DPY19L3: variants seen among roughly 807,000 people sequenced by gnomAD.
DPY19L3 encodes protein C-mannosyl-transferase DPY19L3.
A neutral mutation model predicts 92.3 loss-of-function variants in DPY19L3; 51 were observed. The observed-to-expected ratio is 0.55, with a 90% CI of 0.44 to 0.70. DPY19L3 has a LOEUF of 0.70. Among genes scored for constraint, DPY19L3 ranks in the 30% least tolerant of loss-of-function variants. DPY19L3 has a pLI of 0.00. For synonymous variants in DPY19L3, 309 were observed against 315.2 expected, an observed-to-expected ratio of 0.98 and a Z score of 0.21; for missense variants, 706 against 855.9, an observed-to-expected ratio of 0.82 and a Z score of 2.18.
At chr19:32,430,581 A>G (rs1968926564) in intron 3 of DPY19L3, among the ~76,000 whole-genome samples, 1 of 152,130 alleles carries the variant, frequency 6.6e-6, no homozygotes, top group Non-Finnish European at 1.5e-5. Context: ...AATAATTTCT[A>G]AGTCTGAAGA....
At chr19:32,408,050 A>G (rs1320694152) in intron 1 of DPY19L3, among the ~76,000 whole-genome samples, 167 bp from the exon 2 acceptor site, 1 of 151,806 alleles carries the variant, frequency 6.6e-6, no homozygotes. Context: ...GTGCCGCTGC[A>G]CTCCAGCCTG....
intron 3 of DPY19L3, chr19:32,412,629 A>G (rs1391726756): frequency 6.6e-6 from 1 of 152,186 alleles, no homozygotes; most frequent in Non-Finnish European, 1.5e-5. Flanking sequence ...AGGAACTGTA[A>G]TTTTAATCAG....
chr19:32,436,333 C>A, intron 4 of DPY19L3, 113 bp from the exon 5 acceptor site: 1 of 714,786 alleles, frequency 1.4e-6, no homozygotes, highest in African/African-American at 1.8e-5. Flanking sequence ...ACTCTTATAT[C>A]CCCAATGCCT....
At chr19:32,465,486 C>T (rs1228266368) in intron 15 of DPY19L3, among the ~76,000 whole-genome samples, 2 of 152,124 alleles carry the variant, frequency 1.3e-5, no homozygotes, top group East Asian at 3.9e-4. Context: ...TTTTAAAGAA[C>T]CTAACATATT....
At chr19:32,477,424 C>A in intron 16 of DPY19L3, 98 bp from the exon 17 acceptor site, 1 of 1,482,286 alleles carries the variant, frequency 6.7e-7, no homozygotes, top group Non-Finnish European at 9.2e-7. Flanking sequence ...CACTTGGTAA[C>A]ATAGCTGGAT....
rs116027251 is a variant in DPY19L3 at position 32,473,005 on chromosome 19, C to T, written c.1697+4192C>T. ...TTAATGAATCATTTTGTAGTATTTGCATAATTCTATAAATTTTTGAAGTGT... is the reference window on the plus strand; with the variant it reads ...TTAATGAATCATTTTGTAGTATTTGTATAATTCTATAAATTTTTGAAGTGT... On this transcript the variant is annotated intron_variant, in intron 16 of 18. Transcript: ENST00000392250. 9.8e-3 allele frequency among the ~76,000 whole-genome samples: 1,497 copies of T among 152,264 alleles called. 34 individuals are homozygous for T. The highest frequency in any genetic ancestry group is 0.034 in the African/African-American group (1,401 of 41,548).
chr19:32,462,328 C>T (rs1483863272), intron 12 of DPY19L3, among the ~76,000 whole-genome samples: 1 of 152,028 alleles, frequency 6.6e-6, no homozygotes, highest in East Asian at 1.9e-4. Context: ...GTGGGACAGA[C>T]AGGGATGGAG....
intron 15 of DPY19L3, among the ~76,000 whole-genome samples, chr19:32,466,307 C>T (rs900744562): frequency 6.6e-5 from 10 of 152,232 alleles, no homozygotes; most frequent in African/African-American, 2.2e-4. Context: ...TTGGGTCCCA[C>T]TCCAGACCTA....
intron 1 of DPY19L3, among the ~76,000 whole-genome samples, chr19:32,407,640 G>A (rs1031081943): frequency 6.6e-6 from 1 of 152,222 alleles, no homozygotes; most frequent in Non-Finnish European, 1.5e-5. Flanking sequence ...TGTTCTGGAA[G>A]AAAAGCAGTG....
intron 12 of DPY19L3, among the ~76,000 whole-genome samples, chr19:32,460,683 C>CT (rs1284578898): frequency 1.3e-5 from 2 of 152,196 alleles, no homozygotes; most frequent in African/African-American, 4.8e-5. Flanking sequence ...CCATTATAAT[C>CT]TTACGAATCC....
At chr19:32,464,092 G>A (rs1462228841) in intron 14 of DPY19L3, 112 bp downstream of exon 14, 4 of 506,966 alleles carry the variant, frequency 7.9e-6, no homozygotes, top group Admixed American at 6.8e-5. Flanking sequence ...TGAAATTGAA[G>A]CTGAAAATAC....
At chr19:32,478,637 C>T (rs1447972301) in intron 17 of DPY19L3, among the ~76,000 whole-genome samples, 2 of 152,214 alleles carry the variant, frequency 1.3e-5, no homozygotes, top group African/African-American at 4.8e-5. Context: ...GTGCCCCTTT[C>T]TCCATTTTTA....
chr19:32,408,257 A>G lies in DPY19L3; in HGVS notation c.4A>G (p.Met2Val), dbSNP rs748395107. Residue 2 changes from methionine to valine, a missense_variant, in exon 2 of 19, where the codon ATG becomes GTG. Physicochemically the swap from Met to Val is conservative, Grantham distance 21. Transcript: ENST00000392250. ...CAATGCATGTAAGTCTGACATCATGATGTCCATCCGGCAAAGAAGAGAAAT... is the reference window on the plus strand; with the variant it reads ...CAATGCATGTAAGTCTGACATCATGGTGTCCATCCGGCAAAGAAGAGAAAT... MMSIRQRREIRA... is the reference protein window; with the variant it reads MVSIRQRREIRA... 17 of 1,611,336 alleles carry G rather than the reference A, an allele frequency of 1.1e-5. No individual in the cohort carries two copies. The Admixed American group carries it at 2.8e-4, about 27-fold the overall frequency.
intron 8 of DPY19L3, among the ~76,000 whole-genome samples, chr19:32,446,553 G>A (rs1223475458): frequency 1.3e-5 from 2 of 152,148 alleles, no homozygotes; most frequent in Non-Finnish European, 2.9e-5. Flanking sequence ...TCAATCAAAA[G>A]AAAGGAGTAG....
intron 3 of DPY19L3, among the ~76,000 whole-genome samples, chr19:32,414,175 C>T (rs898764733): frequency 6.6e-5 from 10 of 152,022 alleles, no homozygotes; most frequent in African/African-American, 2.4e-4. Flanking sequence ...AATGCCCGCA[C>T]TTTGGGAGGC....
At chr19:32,413,580 C>T (rs1226693696) in intron 3 of DPY19L3, among the ~76,000 whole-genome samples, 1 of 151,798 alleles carries the variant, frequency 6.6e-6, no homozygotes, top group African/African-American at 2.4e-5. Context: ...AGGTATATCT[C>T]CCTATGCTAT....
chr19:32,478,601 G>C (rs11673124), intron 17 of DPY19L3, among the ~76,000 whole-genome samples: 1 of 151,996 alleles, frequency 6.6e-6, no homozygotes, highest in Non-Finnish European at 1.5e-5. Flanking sequence ...GGTATTTCAC[G>C]CATATACAAA....
rs1970652319 is a variant in DPY19L3 at position 32,480,846 on chromosome 19, GT to G, written c.1989+290del. 22 of 481,448 alleles carry G rather than the reference GT, an allele frequency of 4.6e-5. 1 individual carries two copies. Among genetic ancestry groups the G allele is most frequent in the Non-Finnish European group, 7.3e-6 (2 of 275,460 alleles). The allele number at this position is 481,448 out of a possible 1,614,324, so 29.8% of individuals were successfully genotyped here. A position where few individuals can be genotyped will look rare whatever the true frequency, so the allele number is the denominator to read the frequency against. Reference sequence around the variant, plus strand: ...TGTATGATGGGGCTCTGCATAAAATGTATCTGTGAAGGATTTTGCTGCTATA... The same window carrying G: ...TGTATGATGGGGCTCTGCATAAAATGATCTGTGAAGGATTTTGCTGCTATA... On this transcript the variant is annotated intron_variant, in intron 18 of 18. Transcript: ENST00000392250.
At chr19:32,463,322 A>G in intron 12 of DPY19L3, 44 bp from the exon 13 acceptor site, 1 of 1,606,666 alleles carries the variant, frequency 6.2e-7, no homozygotes, top group East Asian at 2.2e-5. Flanking sequence ...TCTAACTAAA[A>G]TTATGTTTCC....
Sources: gnomAD v4.1 joint callset for allele counts (sites outside exome capture counted in the v4.1 genomes callset) on GRCh38, gnomAD v4.1.1 for gene constraint, MANE v1.5 for transcripts, NCBI Gene and HGNC (gene_info 2026-07-23, HGNC 2026-07-21) for gene names.